VEZT: variants seen among roughly 807,000 people sequenced by gnomAD.
VEZT encodes the protein vezatin.
Under a neutral mutation model 79.9 loss-of-function variants are expected in VEZT, and 39 were observed. The ratio of observed to expected loss-of-function variants is 0.49; its 90% CI spans 0.38 to 0.64. VEZT has a LOEUF of 0.64. VEZT is among the 30% of genes least tolerant of loss of function. The pLI is 0.00. For synonymous variants in VEZT, 325 were observed against 327.6 expected, an observed-to-expected ratio of 0.99 and a Z score of 0.09; for missense variants, 837 against 893.1, an observed-to-expected ratio of 0.94 and a Z score of 0.80.
At chr12:95,258,045 T>A (rs2063743828) in intron 3 of VEZT, among the ~76,000 whole-genome samples, 1 of 152,196 alleles carries the variant, frequency 6.6e-6, no homozygotes, top group Admixed American at 6.5e-5. Flanking sequence ...CCCAGGTCTC[T>A]TGGTTCCAAA....
intron 9 of VEZT, among the ~76,000 whole-genome samples, chr12:95,291,748 T>G (rs1165483892): frequency 6.6e-6 from 1 of 152,234 alleles, no homozygotes; most frequent in Non-Finnish European, 1.5e-5. Flanking sequence ...ACTGCAAGCA[T>G]GTAATTAAAA....
rs2060675013 is a variant in VEZT, at chr12:95,239,948, A to AG, written c.37-11992_37-11991insG. Reference sequence around the variant, plus strand: ...GCCTGAGCAACAGAGGGAGACTCGAAAGAGAGAGAGAGAGAGAGAGAGAGA... The same window carrying AG: ...GCCTGAGCAACAGAGGGAGACTCGAAGAGAGAGAGAGAGAGAGAGAGAGAGA... On this transcript the variant is annotated intron_variant, in intron 1 of 11. Transcript: ENST00000436874. 5.8e-5 allele frequency among the ~76,000 whole-genome samples: 7 copies of AG among 119,972 alleles called. No individual in the cohort carries two copies. The East Asian group carries it at 9.8e-4, about 17-fold the overall frequency. The allele number at this position is 119,972 out of a possible 152,430, so 78.7% of individuals were successfully genotyped here.
At chr12:95,297,379 G>A (rs1359263877) in intron 11 of VEZT, among the ~76,000 whole-genome samples, 4 of 151,940 alleles carry the variant, frequency 2.6e-5, no homozygotes, top group Non-Finnish European at 5.9e-5. Flanking sequence ...CTATACTTCT[G>A]GAAAGTTCCT....
At chr12:95,259,871 AT>A (rs1293444182) in intron 3 of VEZT, among the ~76,000 whole-genome samples, 2 of 152,156 alleles carry the variant, frequency 1.3e-5, no homozygotes, top group African/African-American at 2.4e-5. Context: ...TCTTATTTTT[AT>A]AATCAAAGAG....
chr12:95,227,401 C>T (rs1433715053), intron 1 of VEZT, among the ~76,000 whole-genome samples: 2 of 145,782 alleles, frequency 1.4e-5, no homozygotes, highest in East Asian at 4.0e-4. Context: ...AGTGCAATGG[C>T]GTGATCTCGG....
rs374360675 is a variant in VEZT, at chr12:95,233,319, C to A, written c.36+15433C>A. Among the ~76,000 whole-genome samples, 36 of 152,144 alleles carry A rather than the reference C, an allele frequency of 2.4e-4. No homozygotes were observed. In the South Asian group the frequency reaches 7.3e-3, roughly 31 times the overall value. On this transcript the variant is annotated intron_variant, in intron 1 of 11. Transcript: ENST00000436874. ...TCAGCTCTCCCTTAATCCCCCTTTT[C>A]CTTTGCAGGTCCACCTTTCTCCACA...
Position 95,289,092 on chromosome 12 carries a change from AT to A in VEZT, c.1522+1236del, listed in dbSNP as rs1272591012. 1.8e-3 allele frequency among the ~76,000 whole-genome samples: 228 copies of A among 128,164 alleles called. 3 individuals carry two copies. The highest frequency in any genetic ancestry group is 4.1e-3 in the Middle Eastern group (1 of 242). 84.1% of individuals were successfully genotyped at this position (128,164 alleles called of 152,430 possible). A position where few individuals can be genotyped will look rare whatever the true frequency, so the allele number is the denominator to read the frequency against. ...GCGAGACTCCGTCTCAAAAAAAAAA[AT>A]AAATAAATAAATAAATAAATAAATA... is the stretch of plus-strand genomic sequence containing the variant. On this transcript the variant is annotated intron_variant, in intron 9 of 11. Transcript: ENST00000436874.
In VEZT at chr12:95,249,750, T is replaced by G. The variant is rs2062227119; in HGVS notation, c.37-2190T>G. ...AAATACTTTCCTGACATTGTTAACT[T>G]GCTTGGTGTGTTTGTACTAAACTAT... On this transcript the variant is annotated intron_variant, in intron 1 of 11. Coordinates refer to ENST00000436874, the MANE Select transcript of VEZT (RefSeq NM_017599.4). 2.6e-5 allele frequency among the ~76,000 whole-genome samples: 4 copies of G among 152,292 alleles called. No individual in the cohort carries two copies. In the South Asian group the frequency reaches 8.3e-4, roughly 32 times the overall value.
At chr12:95,234,280 T>C (rs1487023484) in intron 1 of VEZT, among the ~76,000 whole-genome samples, 2 of 138,502 alleles carry the variant, frequency 1.4e-5, no homozygotes, top group African/African-American at 5.5e-5. Context: ...TTTCTATCAA[T>C]AATCTTTTTT....
Position 95,274,775 on chromosome 12 carries a change from C to G in VEZT, c.882C>G (p.Thr294=), listed in dbSNP as rs2067298115. 6.2e-7 allele frequency: 1 copy of G among 1,613,286 alleles called. No homozygotes were observed. The highest frequency in any genetic ancestry group is 8.5e-7 in the Non-Finnish European group (1 of 1,179,596). Reference sequence around the variant, plus strand: ...TGAACTCTGAGAGTGACAATGTAACCAACTACATCTGTGTGGTGCCTTTTA... The same window carrying G: ...TGAACTCTGAGAGTGACAATGTAACGAACTACATCTGTGTGGTGCCTTTTA... ...YPLNSESDNV[T]NYICVVPFKE... Residue 294 remains threonine, a synonymous_variant, in exon 7 of 12, where the codon ACC becomes ACG. Coordinates refer to ENST00000436874, the MANE Select transcript of VEZT (RefSeq NM_017599.4).
intron 1 of VEZT, among the ~76,000 whole-genome samples, chr12:95,240,020 GAA>G (rs1318488753): frequency 2.7e-5 from 3 of 111,954 alleles, no homozygotes; most frequent in Admixed American, 9.5e-5. Flanking sequence ...AAGAGAGAAA[GAA>G]AGGAAGGAAG....
chr12:95,267,670 C>T (rs1391939476), intron 5 of VEZT, among the ~76,000 whole-genome samples: 1 of 152,164 alleles, frequency 6.6e-6, no homozygotes, highest in Non-Finnish European at 1.5e-5. Context: ...CTCTTGTGTT[C>T]TACACACAAT....
chr12:95,235,501 G>T (rs1341090028), intron 1 of VEZT, among the ~76,000 whole-genome samples: 2 of 132,728 alleles, frequency 1.5e-5, no homozygotes, highest in Non-Finnish European at 3.2e-5. Flanking sequence ...GGGCAGAGGC[G>T]CCCCTCACCT....
chr12:95,218,757 A>T (rs1400098575), intron 1 of VEZT: 1 of 152,276 alleles, frequency 6.6e-6, no homozygotes, highest in Non-Finnish European at 1.5e-5. Flanking sequence ...AAATATGTAC[A>T]AACTGTCATT....
At chr12:95,274,684 A>C in intron 6 of VEZT, 58 bp from the exon 7 acceptor site, 1 of 1,541,268 alleles carries the variant, frequency 6.5e-7, no homozygotes, top group South Asian at 1.3e-5. Context: ...GGACAATTTC[A>C]CTGTATCTTT....
At chr12:95,254,344 T>C (rs2063114856) in intron 2 of VEZT, among the ~76,000 whole-genome samples, 1 of 137,178 alleles carries the variant, frequency 7.3e-6, no homozygotes, top group Non-Finnish European at 1.6e-5. Context: ...AAGTTCTTTT[T>C]TTTTTTTTTT....
intron 3 of VEZT, among the ~76,000 whole-genome samples, chr12:95,260,978 G>C (rs1204798567): frequency 7.2e-6 from 1 of 139,306 alleles, no homozygotes; most frequent in African/African-American, 2.8e-5. Flanking sequence ...TGCTGCAGAG[G>C]TACATGCAGA....
intron 1 of VEZT, among the ~76,000 whole-genome samples, chr12:95,232,510 A>G (rs2059400617): frequency 6.6e-6 from 1 of 152,204 alleles, no homozygotes; most frequent in Admixed American, 6.5e-5. Flanking sequence ...AGTCTGTGTT[A>G]ACAAAATTAC....
At chr12:95,293,513 T>C (rs1303528763) in intron 9 of VEZT, among the ~76,000 whole-genome samples, 1 of 152,220 alleles carries the variant, frequency 6.6e-6, no homozygotes, top group Admixed American at 6.5e-5. Flanking sequence ...AAAGTTAAAC[T>C]CACTTGGGTG....
Sources: allele counts gnomAD v4.1 joint callset (sites outside exome capture counted in the v4.1 genomes callset), GRCh38; gene constraint gnomAD v4.1.1; transcripts MANE v1.5; gene names NCBI Gene and HGNC (gene_info 2026-07-23, HGNC 2026-07-21).